The following CNTNAP2 variants were observed in gnomAD, a reference collection of about 807,000 sequenced individuals.
CNTNAP2 encodes contactin-associated protein-like 2.
CNTNAP2 carries 98 observed loss-of-function variants against 155.2 expected under a neutral mutation model. The observed-to-expected ratio is 0.63, with a 90% CI of 0.54 to 0.75. The LOEUF (loss-of-function observed/expected upper bound fraction) is 0.75. Ranked by LOEUF, CNTNAP2 falls within the 30% of genes least tolerant of loss-of-function variation. CNTNAP2 has a pLI of 0.00. For synonymous variants in CNTNAP2, 651 were observed against 631.2 expected, an observed-to-expected ratio of 1.03 and a Z score of -0.47; for missense variants, 1,727 against 1,688.1, an observed-to-expected ratio of 1.02 and a Z score of -0.40.
At chr7:147,364,916 G>C (rs1327569500) in intron 9 of CNTNAP2, among the ~76,000 whole-genome samples, 1 of 151,762 alleles carries the variant, frequency 6.6e-6, no homozygotes, top group Non-Finnish European at 1.5e-5. Flanking sequence ...GTTTAATTTT[G>C]ATATACTATG....
intron 12 of CNTNAP2, among the ~76,000 whole-genome samples, chr7:147,608,770 T>A (rs1286303167): frequency 6.6e-6 from 1 of 152,144 alleles, no homozygotes; most frequent in Non-Finnish European, 1.5e-5. Flanking sequence ...CAAGGCTGTT[T>A]ATTTCACCCG....
intron 19 of CNTNAP2, among the ~76,000 whole-genome samples, chr7:148,218,469 T>C (rs1795684360): frequency 6.6e-6 from 1 of 152,120 alleles, no homozygotes; most frequent in South Asian, 2.1e-4. Context: ...ACAGCTCACT[T>C]CAGCCCTAAC....
intron 9 of CNTNAP2, among the ~76,000 whole-genome samples, chr7:147,394,754 G>C (rs527848208): frequency 1.3e-5 from 2 of 151,176 alleles, no homozygotes; most frequent in Admixed American, 1.3e-4. Context: ...AACTCTTAAT[G>C]TCTGATTTCA....
At chr7:148,226,967 G>A (rs373961139) in intron 19 of CNTNAP2, among the ~76,000 whole-genome samples, 1 of 152,128 alleles carries the variant, frequency 6.6e-6, no homozygotes, top group South Asian at 2.1e-4. Flanking sequence ...CCCTCAAGCC[G>A]CATTCTTTCC....
chr7:147,188,492 A>T (rs1221734036), intron 8 of CNTNAP2, among the ~76,000 whole-genome samples: 2 of 152,246 alleles, frequency 1.3e-5, no homozygotes, highest in Non-Finnish European at 2.9e-5. Flanking sequence ...CAAGAATTAT[A>T]GGGTGAATTA....
At chr7:146,636,279 C>G (rs975002207) in intron 1 of CNTNAP2, among the ~76,000 whole-genome samples, 9 of 152,068 alleles carry the variant, frequency 5.9e-5, no homozygotes, top group Non-Finnish European at 1.2e-4. Context: ...ACTTATGGAA[C>G]TGTATGCTAA....
chr7:148,227,054 G>A (rs913985681), intron 19 of CNTNAP2, among the ~76,000 whole-genome samples: 1 of 152,162 alleles, frequency 6.6e-6, no homozygotes, highest in African/African-American at 2.4e-5. Context: ...ATGGAAACAG[G>A]CCTGAATACA....
intron 13 of CNTNAP2, among the ~76,000 whole-genome samples, chr7:147,851,124 C>T (rs1487884064): frequency 1.3e-5 from 2 of 152,180 alleles, no homozygotes; most frequent in Non-Finnish European, 2.9e-5. Flanking sequence ...CATGAACAGA[C>T]ACTTCTCAAA....
chr7:148,316,327 T>A (rs1164596305), intron 21 of CNTNAP2, among the ~76,000 whole-genome samples: 2 of 146,032 alleles, frequency 1.4e-5, no homozygotes, highest in African/African-American at 2.5e-5. Flanking sequence ...ACCTTAGAAC[T>A]TAAAGTATAA....
intron 8 of CNTNAP2, among the ~76,000 whole-genome samples, chr7:147,145,168 C>A (rs1334997590): frequency 6.6e-6 from 1 of 152,166 alleles, no homozygotes. Context: ...CCTACCATTT[C>A]TAATTTCCTT....
At chr7:146,227,444 A>AAAAAAG (rs1799314076) in intron 1 of CNTNAP2, among the ~76,000 whole-genome samples, 3 of 151,354 alleles carry the variant, frequency 2.0e-5, no homozygotes, top group Admixed American at 6.6e-5. Context: ...AAAAAAAAAA[A>AAAAAAG]AAAAAGAAAA....
intron 1 of CNTNAP2, among the ~76,000 whole-genome samples, chr7:146,655,491 T>C (rs1799982588): frequency 6.6e-6 from 1 of 151,918 alleles, no homozygotes. Context: ...AATCATGCCT[T>C]GTTTTGCTTT....
chr7:147,443,911 A>G (rs1002287695), intron 10 of CNTNAP2, among the ~76,000 whole-genome samples: 1 of 152,240 alleles, frequency 6.6e-6, no homozygotes, highest in Non-Finnish European at 1.5e-5. Context: ...TCCAAGACGT[A>G]GAAATTTGCC....
rs1563059097 is a variant in CNTNAP2, at chr7:148,365,731, T to TGC, written c.3476-17917_3476-17916insCG. ...TTATATATATGTATACGTGTATATA[T>TGC]GTATGTGTATACATGTATACATGTA... On this transcript the variant is annotated intron_variant, in intron 21 of 23. Transcript: ENST00000361727. Among the ~76,000 whole-genome samples the TGC allele has an allele frequency of 2.0e-3, 62 of 30,538 alleles. 12 individuals carry two copies. In the East Asian group the frequency reaches 0.062, roughly 30 times the overall value. The allele number at this position is 30,538 out of a possible 152,430, so 20.0% of individuals were successfully genotyped here. A position where few individuals can be genotyped will look rare whatever the true frequency, so the allele number is the denominator to read the frequency against.
rs557074977 is a variant in CNTNAP2 at position 146,319,617 on chromosome 7, G to C, written c.97+202644G>C. 2.6e-5 allele frequency among the ~76,000 whole-genome samples: 4 copies of C among 152,304 alleles called. No individual in the cohort carries two copies. In the East Asian group the frequency reaches 5.8e-4, roughly 22 times the overall value. ...GATTTCTTATACTCTTTGAAGCCAG[G>C]CTTGACGTATGGATGCATATTTAAG... On this transcript the variant is annotated intron_variant, in intron 1 of 23. Coordinates refer to ENST00000361727, the MANE Select transcript of CNTNAP2 (RefSeq NM_014141.6).
chr7:147,336,381 G>A (rs1795665169), intron 9 of CNTNAP2, among the ~76,000 whole-genome samples: 2 of 152,222 alleles, frequency 1.3e-5, no homozygotes, highest in East Asian at 1.9e-4. Flanking sequence ...CACAAGAAAA[G>A]CCTTTCAACA....
At chr7:147,686,241 T>C (rs1796016586) in intron 13 of CNTNAP2, among the ~76,000 whole-genome samples, 1 of 152,078 alleles carries the variant, frequency 6.6e-6, no homozygotes, top group South Asian at 2.1e-4. Flanking sequence ...GGCTTTTGTA[T>C]TCAATATGAA....
intron 3 of CNTNAP2, among the ~76,000 whole-genome samples, chr7:146,851,814 G>A (rs1432070206): frequency 1.3e-5 from 2 of 151,784 alleles, no homozygotes; most frequent in Admixed American, 6.6e-5. Context: ...CTGAGTAGCT[G>A]GGACTACAGG....
At chr7:147,050,423 C>T (rs773398381) in intron 4 of CNTNAP2, among the ~76,000 whole-genome samples, 18 of 151,998 alleles carry the variant, frequency 1.2e-4, no homozygotes, top group Middle Eastern at 3.2e-3. Context: ...GTACACACAT[C>T]GAAACTAATT....
Sources: allele counts gnomAD v4.1 joint callset (sites outside exome capture counted in the v4.1 genomes callset), GRCh38; gene constraint gnomAD v4.1.1; transcripts MANE v1.5; gene names NCBI Gene and HGNC (gene_info 2026-07-23, HGNC 2026-07-21).